The following CTDSPL variants were observed in gnomAD, a reference collection of about 807,000 sequenced individuals.
CTDSPL encodes CTD small phosphatase like, also known as CTD small phosphatase-like protein.
A neutral mutation model predicts 30.5 loss-of-function variants in CTDSPL; 8 were observed. The observed-to-expected ratio is 0.26, with a 90% CI of 0.15 to 0.47. The LOEUF (loss-of-function observed/expected upper bound fraction) is 0.47. Among genes scored for constraint, CTDSPL ranks in the 20% least tolerant of loss-of-function variants. The pLI, the probability that CTDSPL is intolerant of heterozygous loss-of-function variation, is 0.99. For synonymous variants in CTDSPL, 110 were observed against 137.9 expected (o/e 0.80, Z 1.42); for missense variants, 248 against 366.1 (o/e 0.68, Z 2.63).
chr3:37,971,155 C>T (rs760830599), intron 5 of CTDSPL, among the ~76,000 whole-genome samples: 6 of 152,254 alleles, frequency 3.9e-5, no homozygotes, highest in Non-Finnish European at 7.3e-5. Flanking sequence ...AAGACCCTCA[C>T]ACCATGGTCA....
rs1239480867 is a variant in CTDSPL, at chr3:37,947,174, T to G, written c.197T>G (p.Leu66Arg). 3 of 1,612,686 alleles carry G rather than the reference T, an allele frequency of 1.9e-6. No homozygotes were observed. In the South Asian group the frequency reaches 3.3e-5, roughly 18 times the overall value. The change falls in exon 2 of 8, where the codon CTT (leucine) becomes CGT (arginine). Residue 66 changes from leucine (L) to arginine (R), a missense_variant. Physicochemically the swap from Leu to Arg is moderately radical, Grantham distance 102. Transcript: ENST00000273179. ...EAPPPSSPSV[L>R]PPLVEENGGL... ...CCTCCACCCAGCAGCCCCAGTGTGC[T>G]TCCGCCACTGGTGGAGGAGAATGGT...
intron 1 of CTDSPL, among the ~76,000 whole-genome samples, chr3:37,939,774 A>G (rs1698956671): frequency 6.6e-6 from 1 of 150,384 alleles, no homozygotes; most frequent in African/African-American, 2.4e-5. Flanking sequence ...AAAATTAATG[A>G]AACTTTCAGC....
chr3:37,958,728 C>T (rs970120598), intron 3 of CTDSPL, among the ~76,000 whole-genome samples: 1 of 152,182 alleles, frequency 6.6e-6, no homozygotes, highest in Non-Finnish European at 1.5e-5. Context: ...CTGACTGTGT[C>T]CTACATGTGA....
At chr3:37,925,044 C>G (rs887516965) in intron 1 of CTDSPL, among the ~76,000 whole-genome samples, 19 of 152,298 alleles carry the variant, frequency 1.2e-4, no homozygotes, top group African/African-American at 4.3e-4. Context: ...TGCCACCAGC[C>G]AAACTGTCCT....
intron 6 of CTDSPL, among the ~76,000 whole-genome samples, chr3:37,973,459 C>G (rs1219397231): frequency 6.6e-6 from 1 of 152,252 alleles, no homozygotes; most frequent in East Asian, 1.9e-4. Flanking sequence ...CACCATCTGT[C>G]TCTTCAACCC....
chr3:37,900,678 C>A (rs1698438833), intron 1 of CTDSPL, among the ~76,000 whole-genome samples: 1 of 152,116 alleles, frequency 6.6e-6, no homozygotes, highest in Non-Finnish European at 1.5e-5. Flanking sequence ...GGATAAATAT[C>A]ATGAGGAGAC....
intron 1 of CTDSPL, among the ~76,000 whole-genome samples, chr3:37,901,779 T>A (rs1304905612): frequency 6.6e-6 from 1 of 152,160 alleles, no homozygotes; most frequent in Admixed American, 6.5e-5. Context: ...GGCAGGTGTA[T>A]GCAACCAGAA....
rs71635859 is a variant in CTDSPL, at chr3:37,966,704, G to GT, written c.370-1115dup. Reference sequence around the variant, plus strand: ...GGTGCTATGACCTAGCATTGTCCATGTTTTTTTGTTTTGTTTTTTGTTTTT... The same window carrying GT: ...GGTGCTATGACCTAGCATTGTCCATGTTTTTTTTGTTTTGTTTTTTGTTTTT... On this transcript the variant is annotated intron_variant, in intron 4 of 7. Coordinates refer to ENST00000273179, the MANE Select transcript of CTDSPL (RefSeq NM_001008392.2). Among the ~76,000 whole-genome samples the GT allele has an allele frequency of 2.0e-3, 297 of 152,200 alleles. 2 individuals are homozygous for GT. The highest frequency in any genetic ancestry group is 6.9e-3 in the African/African-American group (286 of 41,532).
At chr3:37,865,330 G>A (rs566799547) in intron 1 of CTDSPL, among the ~76,000 whole-genome samples, 1 of 152,374 alleles carries the variant, frequency 6.6e-6, no homozygotes. Flanking sequence ...GAAAGTCGTA[G>A]AGGAAGAAAT....
Position 37,984,003 on chromosome 3 carries a change from A to C in CTDSPL, c.*3136A>C, listed in dbSNP as rs1037336705. On this transcript the variant is annotated 3_prime_UTR_variant, in exon 8 of 8. Coordinates refer to ENST00000273179, the MANE Select transcript of CTDSPL (RefSeq NM_001008392.2). ...TAAGTCTGTAACCTGGCAACATTTT[A>C]CAACCCTGTATTTTTAAAGATGGCT... The C allele has an allele frequency of 1.2e-5, 3 of 256,166 alleles. No individual in the cohort carries two copies. The highest frequency in any genetic ancestry group is 6.6e-5 in the African/African-American group (3 of 45,524). The allele number at this position is 256,166 out of a possible 1,614,324, so 15.9% of individuals were successfully genotyped here. A position where few individuals can be genotyped will look rare whatever the true frequency, so the allele number is the denominator to read the frequency against.
intron 1 of CTDSPL, among the ~76,000 whole-genome samples, chr3:37,884,378 G>T (rs1698241428): frequency 6.6e-6 from 1 of 152,136 alleles, no homozygotes; most frequent in Admixed American, 6.5e-5. Context: ...CATAGAGAAT[G>T]GTTTGGAACC....
intron 1 of CTDSPL, among the ~76,000 whole-genome samples, chr3:37,889,118 A>G (rs1013366998): frequency 6.6e-6 from 1 of 152,222 alleles, no homozygotes; most frequent in East Asian, 1.9e-4. Context: ...GGAGATCAGA[A>G]TGTTAGCTTG....
At chr3:37,968,482 T>G (rs1699326085) in intron 5 of CTDSPL, 1 of 235,056 alleles carries the variant, frequency 4.3e-6, no homozygotes. Flanking sequence ...CATAAAGCTC[T>G]TCCGGAAATA....
At chr3:37,939,405 G>C (rs149830721) in intron 1 of CTDSPL, among the ~76,000 whole-genome samples, 1 of 150,486 alleles carries the variant, frequency 6.6e-6, no homozygotes, top group South Asian at 2.2e-4. Flanking sequence ...TTCTTTCCAT[G>C]TAACTTATAT....
chr3:37,884,957 G>A (rs1351955792), intron 1 of CTDSPL, among the ~76,000 whole-genome samples: 1 of 152,162 alleles, frequency 6.6e-6, no homozygotes, highest in African/African-American at 2.4e-5. Flanking sequence ...TTGATGGGGT[G>A]TGGGCAGCTG....
chr3:37,960,535 T>TATACACAC lies in CTDSPL; in HGVS notation c.267+3393_267+3394insTACACACA, dbSNP rs1327299412. Among the ~76,000 whole-genome samples, 134 of 16,258 alleles carry TATACACAC rather than the reference T, an allele frequency of 8.2e-3. 1 individual carries two copies. Among genetic ancestry groups the TATACACAC allele is most frequent in the Non-Finnish European group, 0.011 (109 of 9,550 alleles). The allele number at this position is 16,258 out of a possible 152,430, so 10.7% of individuals were successfully genotyped here. Reference sequence around the variant, plus strand: ...ATATATATATATATATATATATATATACACACACACACACACACACACACA... The same window carrying TATACACAC: ...ATATATATATATATATATATATATATATACACACACACACACACACACACACACACACA... On this transcript the variant is annotated intron_variant, in intron 3 of 7. Coordinates refer to ENST00000273179, the MANE Select transcript of CTDSPL (RefSeq NM_001008392.2).
At chr3:37,921,522 C>T (rs1698714825) in intron 1 of CTDSPL, among the ~76,000 whole-genome samples, 1 of 151,922 alleles carries the variant, frequency 6.6e-6, no homozygotes, top group South Asian at 2.1e-4. Flanking sequence ...AGGAACAGTT[C>T]CTTTTTCCTT....
intron 5 of CTDSPL, among the ~76,000 whole-genome samples, chr3:37,969,713 C>T (rs1179993626): frequency 6.6e-6 from 1 of 152,188 alleles, no homozygotes; most frequent in Non-Finnish European, 1.5e-5. Context: ...CTCAGCCCTA[C>T]CCCAGCCTCC....
intron 7 of CTDSPL, among the ~76,000 whole-genome samples, chr3:37,976,525 G>A (rs998098410): frequency 3.9e-5 from 6 of 151,952 alleles, no homozygotes; most frequent in Admixed American, 3.9e-4. Context: ...TCAGCTACTC[G>A]GGAGGCTGAG....
Sources: allele counts gnomAD v4.1 joint callset (sites outside exome capture counted in the v4.1 genomes callset), GRCh38; gene constraint gnomAD v4.1.1; transcripts MANE v1.5; gene names NCBI Gene and HGNC (gene_info 2026-07-23, HGNC 2026-07-21).